Variants in RTN1 observed in about 807,000 individuals in gnomAD.
The protein encoded by RTN1 is reticulon 1.
Under a neutral mutation model 65.5 loss-of-function variants are expected in RTN1, and 25 were observed. That is an observed-to-expected ratio of 0.38 (90% CI 0.28 to 0.53). RTN1 has a LOEUF of 0.53. Ranked by LOEUF, RTN1 falls within the 20% of genes least tolerant of loss-of-function variation. The pLI, the probability that RTN1 is intolerant of heterozygous loss-of-function variation, is 0.79. For synonymous variants in RTN1, 471 were observed against 447.6 expected (o/e 1.05, Z -0.66); for missense variants, 983 against 1,025.4 (o/e 0.96, Z 0.57).
chr14:59,716,993 A>ACAAAC (rs11450656), intron 3 of RTN1, among the ~76,000 whole-genome samples: 1 of 148,350 alleles, frequency 6.7e-6, no homozygotes, highest in Non-Finnish European at 1.5e-5. Flanking sequence ...AAACAAAAAA[A>ACAAAC]AAAAAAAAAA....
intron 2 of RTN1, among the ~76,000 whole-genome samples, chr14:59,744,865 C>T (rs1234127736): frequency 6.6e-6 from 1 of 152,096 alleles, no homozygotes; most frequent in Non-Finnish European, 1.5e-5. Context: ...CATAATGTCT[C>T]CAAGAGACCT....
intron 3 of RTN1, among the ~76,000 whole-genome samples, chr14:59,659,019 C>A (rs891725637): frequency 6.6e-6 from 1 of 152,104 alleles, no homozygotes; most frequent in East Asian, 1.9e-4. Flanking sequence ...ACTAGAATAA[C>A]CAGTTTACAG....
chr14:59,846,217 G>A lies in RTN1; in HGVS notation c.241+24173C>T, dbSNP rs977790602. 6.6e-5 allele frequency among the ~76,000 whole-genome samples: 10 copies of A among 152,106 alleles called. No individual in the cohort carries two copies. Among genetic ancestry groups the A allele is most frequent in the Non-Finnish European group, 1.0e-4 (7 of 68,000 alleles). ...GCTGTGACTTCTTCCTTACCCCACTGGTGCTTTTTTGTGGAAGAAGAAACA... is the reference window on the plus strand; with the variant it reads ...GCTGTGACTTCTTCCTTACCCCACTAGTGCTTTTTTGTGGAAGAAGAAACA... On this transcript the variant is annotated intron_variant, in intron 1 of 8. Transcript: ENST00000267484. The surrounding 1 kb of genome is among the most constrained non-coding windows in gnomAD (Gnocchi z 4.8).
intron 1 of RTN1, among the ~76,000 whole-genome samples, chr14:59,851,127 A>T (rs1887497487): frequency 6.6e-6 from 1 of 152,364 alleles, no homozygotes; most frequent in East Asian, 1.9e-4. Flanking sequence ...AATGCTTCCA[A>T]AGATTCATAT....
chr14:59,865,652 A>T (rs1478208743), intron 1 of RTN1, among the ~76,000 whole-genome samples: 1 of 152,156 alleles, frequency 6.6e-6, no homozygotes, highest in Non-Finnish European at 1.5e-5. Flanking sequence ...TAACCAAACA[A>T]AACTGGTTGT....
rs777437664 is a variant in RTN1 at position 59,603,938 on chromosome 14, T to G, written c.2113-17A>C. ...GACTGCAAACTGAAGAACGAAAGCATTATTAGAGCTCCTAAAACCCTTCCT... is the reference window on the plus strand; with the variant it reads ...GACTGCAAACTGAAGAACGAAAGCAGTATTAGAGCTCCTAAAACCCTTCCT... On this transcript the variant is annotated splice_polypyrimidine_tract_variant and intron_variant, in intron 5 of 8. Transcript: ENST00000267484. 3.1e-6 allele frequency: 5 copies of G among 1,605,634 alleles called. No homozygotes were observed. Among genetic ancestry groups the G allele is most frequent in the East Asian group, 4.5e-5 (2 of 44,664 alleles).
At chr14:59,657,251 A>G (rs908513636) in intron 3 of RTN1, among the ~76,000 whole-genome samples, 13 of 152,096 alleles carry the variant, frequency 8.5e-5, no homozygotes, top group Non-Finnish European at 1.6e-4. Flanking sequence ...TCTACTAAAA[A>G]TACAAAAATT....
intron 1 of RTN1, among the ~76,000 whole-genome samples, chr14:59,827,958 A>G (rs1191648240): frequency 6.6e-6 from 1 of 152,230 alleles, no homozygotes; most frequent in Non-Finnish European, 1.5e-5. Flanking sequence ...CTCCCGTACA[A>G]GAGGACAAGC....
At chr14:59,602,964 C>A in intron 8 of RTN1, 101 bp downstream of exon 8, 1 of 796,378 alleles carries the variant, frequency 1.3e-6, no homozygotes, top group South Asian at 1.9e-5. Context: ...GACCATAAAT[C>A]AATCTATCAT....
At chr14:59,821,366 T>G (rs189602813) in intron 1 of RTN1, among the ~76,000 whole-genome samples, 1 of 152,346 alleles carries the variant, frequency 6.6e-6, no homozygotes, top group East Asian at 1.9e-4. Context: ...GTTTCTAGTT[T>G]GTATCCTGAA....
intron 3 of RTN1, among the ~76,000 whole-genome samples, chr14:59,685,097 T>G (rs1217533763): frequency 6.6e-6 from 1 of 152,180 alleles, no homozygotes; most frequent in Admixed American, 6.5e-5. Flanking sequence ...TTTTAGTAGA[T>G]GCAGAAAAAG....
At chr14:59,827,687 C>T (rs1473854970) in intron 1 of RTN1, among the ~76,000 whole-genome samples, 1 of 152,212 alleles carries the variant, frequency 6.6e-6, no homozygotes, top group Non-Finnish European at 1.5e-5. Context: ...AAATAATTAG[C>T]TCGGCCTCCT....
chr14:59,756,747 G>A (rs1885644395), intron 1 of RTN1, among the ~76,000 whole-genome samples: 1 of 151,598 alleles, frequency 6.6e-6, no homozygotes, highest in Non-Finnish European at 1.5e-5. Context: ...CTATAAATTT[G>A]TTTGCACTTT....
chr14:59,817,582 T>C (rs923157572), intron 1 of RTN1, among the ~76,000 whole-genome samples: 2 of 152,192 alleles, frequency 1.3e-5, no homozygotes, highest in African/African-American at 4.8e-5. Context: ...TAATGGGAAA[T>C]TGTTGATATA....
rs1325395939 is a variant in RTN1 at position 59,803,876 on chromosome 14, A to G, written c.242-57395T>C. 2.0e-5 allele frequency among the ~76,000 whole-genome samples: 3 copies of G among 152,130 alleles called. No homozygotes were observed. The highest frequency in any genetic ancestry group is 4.4e-5 in the Non-Finnish European group (3 of 67,996). On this transcript the variant is annotated intron_variant, in intron 1 of 8. Coordinates refer to ENST00000267484, the MANE Select transcript of RTN1 (RefSeq NM_021136.3). This position sits in a 1 kb window ranked among gnomAD's most constrained non-coding sequence, Gnocchi z 5.6. ...CTAAATGTGATTTAGGGTTTTATTT[A>G]TTTATTTATGTTTACACTTTTAATT...
Position 59,607,529 on chromosome 14 carries a change from G to C in RTN1, c.1766-37C>G, listed in dbSNP as rs561025508. 2.3e-4 allele frequency: 352 copies of C among 1,542,910 alleles called. 4 individuals are homozygous for C. In the South Asian group the frequency reaches 3.7e-3, roughly 16 times the overall value. ...ACCAAACACACCCAGCTGAGCTCCC[G>C]CAGTGCCGCCACATGAGCCGCTGTG... On this transcript the variant is annotated intron_variant, in intron 3 of 8. Transcript: ENST00000267484.
In RTN1 at chr14:59,603,404, A is replaced by C. The variant is rs184317992; in HGVS notation, c.2183-146T>G. Reference sequence around the variant, plus strand: ...TTTATTTTTTATTCCCTATTTTGAGAAGCAATATCCAGCATTCTAGATAAA... The same window carrying C: ...TTTATTTTTTATTCCCTATTTTGAGCAGCAATATCCAGCATTCTAGATAAA... On this transcript the variant is annotated intron_variant, in intron 6 of 8. Transcript: ENST00000267484. The C allele has an allele frequency of 6.2e-4, 394 of 633,838 alleles. 1 individual carries two copies. In the African/African-American group the frequency reaches 7.1e-3, roughly 11 times the overall value. 39.3% of individuals were successfully genotyped at this position (633,838 alleles called of 1,614,324 possible).
chr14:59,688,605 C>T (rs1883896189), intron 3 of RTN1, among the ~76,000 whole-genome samples: 1 of 152,200 alleles, frequency 6.6e-6, no homozygotes, highest in Admixed American at 6.5e-5. Flanking sequence ...TGGCCACAGA[C>T]AGCTCCTACC....
At chr14:59,824,556 T>C (rs1886998083) in intron 1 of RTN1, among the ~76,000 whole-genome samples, 1 of 152,242 alleles carries the variant, frequency 6.6e-6, no homozygotes, top group Admixed American at 6.5e-5. Flanking sequence ...TTTGTATTCA[T>C]GTGACTCTAG....
Sources: gnomAD v4.1 joint callset for allele counts (sites outside exome capture counted in the v4.1 genomes callset) on GRCh38, gnomAD v4.1.1 for gene constraint, Gnocchi (gnomAD v3.1) non-coding constraint, MANE v1.5 for transcripts, NCBI Gene and HGNC (gene_info 2026-07-23, HGNC 2026-07-21) for gene names.